Variants in GRIP1 observed in about 807,000 individuals in gnomAD.
The protein encoded by GRIP1 is glutamate receptor interacting protein 1.
A neutral mutation model predicts 129.9 loss-of-function variants in GRIP1; 45 were observed. The observed-to-expected ratio is 0.35, with a 90% CI of 0.27 to 0.44. GRIP1 has a LOEUF of 0.44. Ranked by LOEUF, GRIP1 falls within the 20% of genes least tolerant of loss-of-function variation. GRIP1 has a pLI of 1.00. For synonymous variants in GRIP1, 530 were observed against 520.8 expected (o/e 1.02, Z -0.24); for missense variants, 1,196 against 1,396.8 (o/e 0.86, Z 2.29).
intron 14 of GRIP1, among the ~76,000 whole-genome samples, chr12:66,430,792 G>C (rs1355341504): frequency 6.6e-6 from 1 of 152,202 alleles, no homozygotes; most frequent in Non-Finnish European, 1.5e-5. Context: ...TAAAATAACT[G>C]TGTGGCAGTG....
intron 1 of GRIP1, among the ~76,000 whole-genome samples, chr12:66,635,044 T>C (rs1373635273): frequency 1.3e-5 from 2 of 152,242 alleles, no homozygotes; most frequent in Admixed American, 6.5e-5. Context: ...TGACCTCTAA[T>C]GGTGTCTGGC....
At chr12:66,812,496 A>G (rs558491917) in intron 1 of GRIP1, among the ~76,000 whole-genome samples, 10 of 152,162 alleles carry the variant, frequency 6.6e-5, no homozygotes, top group African/African-American at 1.2e-4. Context: ...TCATTTATTT[A>G]CTCAATTGTT....
intron 6 of GRIP1, among the ~76,000 whole-genome samples, chr12:66,516,859 T>A (rs112516992): frequency 6.6e-6 from 1 of 152,134 alleles, no homozygotes; most frequent in Admixed American, 6.5e-5. Context: ...GAGCTAATCA[T>A]ATGAGTTTCA....
intron 1 of GRIP1, among the ~76,000 whole-genome samples, chr12:66,662,874 T>C (rs1214070842): frequency 6.6e-6 from 1 of 152,214 alleles, no homozygotes; most frequent in African/African-American, 2.4e-5. Flanking sequence ...TCATGTTCAC[T>C]GATCTTTTCT....
chr12:66,791,207 T>C (rs953740522), intron 1 of GRIP1, among the ~76,000 whole-genome samples: 1 of 152,102 alleles, frequency 6.6e-6, no homozygotes, highest in East Asian at 1.9e-4. Context: ...ACGTGCTGCA[T>C]AGTGGAAGTT....
chr12:66,672,198 TCTC>T (rs1033753918), intron 1 of GRIP1, among the ~76,000 whole-genome samples: 13 of 152,352 alleles, frequency 8.5e-5, no homozygotes, highest in African/African-American at 2.9e-4. Context: ...TTTTACCTTT[TCTC>T]CTAATTCATC....
intron 24 of GRIP1, among the ~76,000 whole-genome samples, chr12:66,353,207 G>C (rs753230398): frequency 6.6e-6 from 1 of 152,124 alleles, no homozygotes; most frequent in Non-Finnish European, 1.5e-5. Flanking sequence ...AAAAAAACTG[G>C]TAAGAAACCA....
intron 4 of GRIP1, among the ~76,000 whole-genome samples, chr12:66,533,840 T>TACAC (rs10545416): frequency 9.0e-4 from 131 of 144,884 alleles, no homozygotes; most frequent in African/African-American, 3.2e-3. Flanking sequence ...TCTATCAGAT[T>TACAC]ACACACACAC....
intron 14 of GRIP1, among the ~76,000 whole-genome samples, chr12:66,422,433 T>C (rs558284125): frequency 6.6e-6 from 1 of 152,332 alleles, no homozygotes; most frequent in Admixed American, 6.5e-5. Flanking sequence ...ATTTCAAAAC[T>C]GCAAATTGTT....
chr12:66,714,232 A>G (rs1021466037), intron 1 of GRIP1, among the ~76,000 whole-genome samples: 1 of 152,086 alleles, frequency 6.6e-6, no homozygotes, highest in Non-Finnish European at 1.5e-5. Flanking sequence ...AAATGAAACT[A>G]CAATTCACGA....
chr12:66,881,428 C>T (rs2040476721), intron 1 of GRIP1, among the ~76,000 whole-genome samples: 1 of 152,168 alleles, frequency 6.6e-6, no homozygotes, highest in Non-Finnish European at 1.5e-5. Context: ...CTAAAAATTA[C>T]ATGCACATAT....
intron 11 of GRIP1, 113 bp downstream of exon 11, chr12:66,455,296 C>T (rs1489904424): frequency 6.2e-6 from 6 of 963,680 alleles, no homozygotes; most frequent in South Asian, 1.3e-5. Flanking sequence ...TCAGCATCTA[C>T]CTGATCACTT....
At position 66,378,420 on chromosome 12, in the gene GRIP1, C is replaced by T. The variant is rs545034821; in HGVS notation, c.2621+860G>A. On this transcript the variant is annotated intron_variant, in intron 20 of 24. Coordinates refer to ENST00000359742, the MANE Select transcript of GRIP1 (RefSeq NM_001366722.1). ...TGAGCTGAGATCATACCACTGCACT[C>T]CAGCCTGGGTGACAGAGTGAGACCT... 3.4e-3 allele frequency among the ~76,000 whole-genome samples: 516 copies of T among 151,480 alleles called. 2 individuals are homozygous for T. The highest frequency in any genetic ancestry group is 0.012 in the African/African-American group (491 of 41,292).
intron 1 of GRIP1, among the ~76,000 whole-genome samples, chr12:66,813,126 C>T (rs1206943138): frequency 6.6e-6 from 1 of 152,040 alleles, no homozygotes; most frequent in Non-Finnish European, 1.5e-5. Context: ...GTTCCCTAGG[C>T]TGTACAGGAA....
At chr12:66,584,617 G>C (rs1466213213) in intron 2 of GRIP1, among the ~76,000 whole-genome samples, 3 of 152,012 alleles carry the variant, frequency 2.0e-5, no homozygotes, top group Non-Finnish European at 2.9e-5. Flanking sequence ...TTAGAGGAGA[G>C]AACCCAGTGG....
At chr12:66,549,550 A>G (rs1192674491) in intron 2 of GRIP1, among the ~76,000 whole-genome samples, 1 of 152,074 alleles carries the variant, frequency 6.6e-6, no homozygotes, top group Non-Finnish European at 1.5e-5. Context: ...TCCAATACTC[A>G]TTTCAAGCTC....
At chr12:66,593,566 A>T (rs2063922612) in intron 2 of GRIP1, among the ~76,000 whole-genome samples, 1 of 152,234 alleles carries the variant, frequency 6.6e-6, no homozygotes, top group African/African-American at 2.4e-5. Flanking sequence ...ACATTTATAG[A>T]ATAAGTTTCA....
At chr12:66,653,437 A>C (rs2032940219) in intron 1 of GRIP1, among the ~76,000 whole-genome samples, 1 of 152,204 alleles carries the variant, frequency 6.6e-6, no homozygotes, top group Non-Finnish European at 1.5e-5. Context: ...CTATTTGGTA[A>C]ACAGAATCAG....
chr12:67,012,485 T>C (rs959552922), intron 1 of GRIP1, among the ~76,000 whole-genome samples: 1 of 152,168 alleles, frequency 6.6e-6, no homozygotes, highest in African/African-American at 2.4e-5. Flanking sequence ...CCTTCCAATC[T>C]TAGGTTTCTA....
Sources: gnomAD v4.1 joint callset for allele counts (sites outside exome capture counted in the v4.1 genomes callset) on GRCh38, gnomAD v4.1.1 for gene constraint, MANE v1.5 for transcripts, NCBI Gene and HGNC (gene_info 2026-07-23, HGNC 2026-07-21) for gene names.